The following LRP5 variants were observed in gnomAD, a reference collection of about 807,000 sequenced individuals.
LRP5 encodes low-density lipoprotein receptor-related protein 5.
Under a neutral mutation model 154.1 loss-of-function variants are expected in LRP5, and 62 were observed. That is an observed-to-expected ratio of 0.40 (90% CI 0.33 to 0.50). The LOEUF (loss-of-function observed/expected upper bound fraction) is 0.50. Among genes scored for constraint, LRP5 ranks in the 20% least tolerant of loss-of-function variants. The pLI, the probability that LRP5 is intolerant of heterozygous loss-of-function variation, is 0.55. For synonymous variants in LRP5, 966 were observed against 1,011.5 expected (o/e 0.96, Z 0.85); for missense variants, 1,915 against 2,336.7 (o/e 0.82, Z 3.72).
rs573824501 is a variant in LRP5, at chr11:68,438,340, A to T, written c.4112-106A>T. ...CTCCCCCACTTTCTCCCCACCCTCC[A>T]CCAGTGGCAAAGCCAGCCCCTTCAG... is the stretch of plus-strand genomic sequence containing the variant. On this transcript the variant is annotated intron_variant, in intron 19 of 22. Coordinates refer to ENST00000294304, the MANE Select transcript of LRP5 (RefSeq NM_002335.4). The T allele has an allele frequency of 4.8e-4, 519 of 1,091,728 alleles. 6 individuals are homozygous for T. The South Asian group carries it at 6.2e-3, about 13-fold the overall frequency. The allele number at this position is 1,091,728 out of a possible 1,614,324, so 67.6% of individuals were successfully genotyped here. A position where few individuals can be genotyped will look rare whatever the true frequency, so the allele number is the denominator to read the frequency against.
intron 5 of LRP5, among the ~76,000 whole-genome samples, chr11:68,379,961 G>T (rs542780649): frequency 3.4e-4 from 52 of 152,264 alleles, no homozygotes; most frequent in Admixed American, 4.6e-4. Flanking sequence ...GTGAAACCCC[G>T]TCTCTACTAA....
intron 13 of LRP5, among the ~76,000 whole-genome samples, chr11:68,422,936 C>T (rs2098666657): frequency 6.6e-6 from 1 of 151,986 alleles, no homozygotes; most frequent in Admixed American, 6.6e-5. Flanking sequence ...GGCCTCCTTC[C>T]GTTGGGGAAG....
At chr11:68,355,631 G>C (rs2047764542) in intron 2 of LRP5, among the ~76,000 whole-genome samples, 1 of 152,164 alleles carries the variant, frequency 6.6e-6, no homozygotes, top group African/African-American at 2.4e-5. Context: ...CACTGGTGGG[G>C]GTGGGACCTG....
chr11:68,323,677 C>T (rs1317388981), intron 1 of LRP5, among the ~76,000 whole-genome samples: 1 of 152,202 alleles, frequency 6.6e-6, no homozygotes, highest in Non-Finnish European at 1.5e-5. Context: ...GCCTCAGCTT[C>T]CCAAAGTACT....
the LRP5 span, among the ~76,000 whole-genome samples, chr11:68,300,190 C>T: frequency 6.0e-5 from 9 of 149,232 alleles, no homozygotes; most frequent in African/African-American, 2.2e-4. Context: ...CCGTGCCTGG[C>T]CAGGCCTTTG....
chr11:68,379,784 C>G (rs1225984732), intron 5 of LRP5, among the ~76,000 whole-genome samples: 4 of 152,194 alleles, frequency 2.6e-5, no homozygotes, highest in African/African-American at 9.7e-5. Context: ...GTCCTCCTCT[C>G]CTCCTCCCCA....
intron 7 of LRP5, among the ~76,000 whole-genome samples, chr11:68,396,110 G>A (rs923378059): frequency 1.1e-4 from 16 of 152,068 alleles, no homozygotes; most frequent in Non-Finnish European, 2.1e-4. Context: ...GGGTTGTGGT[G>A]GCTTCTGGGG....
At chr11:68,374,294 C>T (rs1198738201) in intron 5 of LRP5, among the ~76,000 whole-genome samples, 1 of 152,186 alleles carries the variant, frequency 6.6e-6, no homozygotes, top group Admixed American at 6.5e-5. Context: ...GCGTTTGTTC[C>T]CAGAGTCTGG....
intron 7 of LRP5, among the ~76,000 whole-genome samples, chr11:68,398,552 G>T (rs543840140): frequency 1.9e-4 from 29 of 152,210 alleles, no homozygotes; most frequent in African/African-American, 6.7e-4. Flanking sequence ...ACTAGAGCAG[G>T]AGTCGAGAGC....
chr11:68,338,538 G>GACACGC, intron 1 of LRP5, among the ~76,000 whole-genome samples: 1 of 152,186 alleles, frequency 6.6e-6, no homozygotes, highest in Non-Finnish European at 1.5e-5. Flanking sequence ...ACACTGACTT[G>GACACGC]CCAGAAGTGG....
At chr11:68,378,035 C>T (rs147294518) in intron 5 of LRP5, among the ~76,000 whole-genome samples, 7 of 152,154 alleles carry the variant, frequency 4.6e-5, no homozygotes, top group African/African-American at 7.2e-5. Context: ...GCACTTGGTT[C>T]GGTGCAGGGA....
chr11:68,384,008 G>A (rs1307272109), intron 5 of LRP5, among the ~76,000 whole-genome samples: 2 of 152,196 alleles, frequency 1.3e-5, no homozygotes, highest in Non-Finnish European at 2.9e-5. Flanking sequence ...GATTTCCATT[G>A]TAGCTGGGCA....
chr11:68,354,189 G>A (rs955966004), intron 2 of LRP5, among the ~76,000 whole-genome samples: 6 of 152,212 alleles, frequency 3.9e-5, no homozygotes, highest in Non-Finnish European at 7.3e-5. Context: ...CGAAGGCCAT[G>A]CTGCAGCTCT....
At chr11:68,434,345 TTTTC>T (rs1325565275) in intron 18 of LRP5, among the ~76,000 whole-genome samples, 24 of 133,074 alleles carry the variant, frequency 1.8e-4, no homozygotes, top group Non-Finnish European at 3.2e-4. Context: ...CCCCTGTGAG[TTTTC>T]TTTCATTCAT....
chr11:68,323,942 T>C (rs1202844300), intron 1 of LRP5, among the ~76,000 whole-genome samples: 1 of 152,202 alleles, frequency 6.6e-6, no homozygotes, highest in East Asian at 1.9e-4. Flanking sequence ...GCCTGCTCCC[T>C]TGGGACACTC....
At chr11:68,363,990 G>A (rs1260926184) in intron 4 of LRP5, 47 bp downstream of exon 4, 4 of 835,248 alleles carry the variant, frequency 4.8e-6, no homozygotes, top group Non-Finnish European at 6.9e-6. Flanking sequence ...GGGCTGGGGG[G>A]AGCGGGGGCG....
upstream of LRP5, among the ~76,000 whole-genome samples, chr11:68,308,525 G>A (rs1277477208): frequency 2.6e-5 from 4 of 152,288 alleles, no homozygotes; most frequent in East Asian, 7.7e-4. Context: ...ACAGGCAACC[G>A]TCTGGGGAAG....
intron 21 of LRP5, chr11:68,445,432 G>A (rs2098680875): frequency 2.7e-6 from 1 of 374,494 alleles, no homozygotes; most frequent in Non-Finnish European, 5.2e-6. Context: ...CAGGGATCCT[G>A]CTGCAGCCAG....
At chr11:68,431,867 C>T (rs1295892392) in intron 17 of LRP5, among the ~76,000 whole-genome samples, 3 of 111,874 alleles carry the variant, frequency 2.7e-5, no homozygotes, top group Admixed American at 1.9e-4. Context: ...CCATCCACCA[C>T]CCCCTGGCCT....
Sources: gnomAD v4.1 joint callset for allele counts (sites outside exome capture counted in the v4.1 genomes callset) on GRCh38, gnomAD v4.1.1 for gene constraint, MANE v1.5 for transcripts, NCBI Gene and HGNC (gene_info 2026-07-23, HGNC 2026-07-21) for gene names.